Variants in MTHFD1L observed in about 807,000 individuals in gnomAD.
MTHFD1L encodes methylenetetrahydrofolate dehydrogenase (NADP+ dependent) 1 like, also known as monofunctional C1-tetrahydrofolate synthase, mitochondrial.
MTHFD1L carries 81 observed loss-of-function variants against 119.5 expected under a neutral mutation model. The ratio of observed to expected loss-of-function variants is 0.68; its 90% CI spans 0.57 to 0.82. The LOEUF is 0.82. Ranked by LOEUF, MTHFD1L falls within the 40% of genes least tolerant of loss-of-function variation. The probability of loss-of-function intolerance (pLI) is 0.00; values close to 1 mark genes in which losing one functional copy is unlikely to be tolerated. For synonymous variants in MTHFD1L, 430 were observed against 475.2 expected, an observed-to-expected ratio of 0.90 and a Z score of 1.24; for missense variants, 1,125 against 1,253.4, an observed-to-expected ratio of 0.90 and a Z score of 1.55.
intron 11 of MTHFD1L, among the ~76,000 whole-genome samples, chr6:150,931,544 A>C (rs1236646236): frequency 6.6e-6 from 1 of 152,138 alleles, no homozygotes; most frequent in African/African-American, 2.4e-5. Flanking sequence ...AACCAAATGC[A>C]CCATGGGGTT....
chr6:150,899,127 T>A, intron 7 of MTHFD1L: 1 of 338,394 alleles, frequency 3.0e-6, no homozygotes, highest in Non-Finnish European at 4.2e-6. Flanking sequence ...TTCTCATATG[T>A]TGAGCAGTAA....
Position 150,918,571 on chromosome 6 carries a change from T to G in MTHFD1L, c.893-6T>G. ...AAGTCTTTTTTTTCCCTCCAATTTT[T>G]TACAGGGAAGGTTGGGTGTGGCTCT... On this transcript the variant is annotated splice_polypyrimidine_tract_variant and splice_region_variant and intron_variant, in intron 8 of 27. Transcript: ENST00000367321. 6.2e-7 allele frequency: 1 copy of G among 1,610,878 alleles called. No homozygotes were observed. The highest frequency in any genetic ancestry group is 8.5e-7 in the Non-Finnish European group (1 of 1,177,052).
chr6:151,097,753 G>A (rs1046085386), intron 27 of MTHFD1L, among the ~76,000 whole-genome samples: 2 of 152,284 alleles, frequency 1.3e-5, no homozygotes, highest in Admixed American at 6.5e-5. Flanking sequence ...AGAGTGGGGT[G>A]TACTTGAAAT....
intron 8 of MTHFD1L, among the ~76,000 whole-genome samples, chr6:150,914,109 G>A (rs900726343): frequency 6.6e-6 from 1 of 151,700 alleles, no homozygotes; most frequent in Non-Finnish European, 1.5e-5. Context: ...CAGCCTGGGC[G>A]ACAGAGCAAC....
intron 9 of MTHFD1L, among the ~76,000 whole-genome samples, chr6:150,919,357 G>A (rs761707129): frequency 5.9e-5 from 9 of 151,822 alleles, no homozygotes; most frequent in African/African-American, 1.5e-4. Context: ...CTGAGTAGCC[G>A]GGACTGCAGG....
At chr6:150,893,432 A>G (rs764367956) in intron 7 of MTHFD1L, among the ~76,000 whole-genome samples, 4 of 152,132 alleles carry the variant, frequency 2.6e-5, no homozygotes, top group South Asian at 2.1e-4. Flanking sequence ...ATTATAATCT[A>G]TTTAACTTCT....
chr6:151,015,078 C>A, intron 23 of MTHFD1L, 98 bp downstream of exon 23: 1 of 949,482 alleles, frequency 1.1e-6, no homozygotes, highest in East Asian at 2.7e-5. Flanking sequence ...TGTGCTTCAT[C>A]TAAAAGTATA....
At chr6:151,088,623 ATTT>A (rs71014539) in intron 26 of MTHFD1L, among the ~76,000 whole-genome samples, 81 of 128,624 alleles carry the variant, frequency 6.3e-4, no homozygotes, top group African/African-American at 2.0e-3. Flanking sequence ...CACCCAGCTA[ATTT>A]TTTTTTTTTT....
At chr6:150,993,282 T>C (rs905741993) in intron 20 of MTHFD1L, among the ~76,000 whole-genome samples, 5 of 152,164 alleles carry the variant, frequency 3.3e-5, no homozygotes, top group African/African-American at 1.2e-4. Context: ...CACAAACAAA[T>C]GAGCAGAATT....
chr6:151,046,728 T>C (rs553340274), intron 26 of MTHFD1L, among the ~76,000 whole-genome samples: 83 of 152,100 alleles, frequency 5.5e-4, no homozygotes, highest in Admixed American at 1.2e-3. Flanking sequence ...ATCCCAGCCA[T>C]GGCTAAGAGG....
At chr6:151,057,425 G>A in intron 26 of MTHFD1L, 4 of 822,782 alleles carry the variant, frequency 4.9e-6, no homozygotes, top group Non-Finnish European at 5.9e-6. Context: ...TGGATTGCTT[G>A]AGCCCAGGAG....
Position 151,088,017 on chromosome 6 carries a change from G to A in MTHFD1L, c.2848-4450G>A, listed in dbSNP as rs181485776. The A allele has an allele frequency of 1.5e-3, 224 of 152,236 alleles. 1 individual carries two copies. Among genetic ancestry groups the A allele is most frequent in the African/African-American group, 4.7e-3 (195 of 41,528 alleles). 9.4% of individuals were successfully genotyped at this position (152,236 alleles called of 1,614,324 possible). A position where few individuals can be genotyped will look rare whatever the true frequency, so the allele number is the denominator to read the frequency against. Reference sequence around the variant, plus strand: ...AGATCTCCACTGACCCCAGGCGTGCGGCCAGAGGTCAACTCCCAACGGCTG... The same window carrying A: ...AGATCTCCACTGACCCCAGGCGTGCAGCCAGAGGTCAACTCCCAACGGCTG... On this transcript the variant is annotated intron_variant, in intron 26 of 27. Coordinates refer to ENST00000367321, the MANE Select transcript of MTHFD1L (RefSeq NM_015440.5).
At chr6:150,956,600 C>T (rs1190414637) in intron 17 of MTHFD1L, among the ~76,000 whole-genome samples, 1 of 151,988 alleles carries the variant, frequency 6.6e-6, no homozygotes, top group East Asian at 1.9e-4. Flanking sequence ...ATTGGATGTG[C>T]GTCAATGGCA....
chr6:150,991,554 T>G (rs34317680), intron 20 of MTHFD1L, among the ~76,000 whole-genome samples: 11,283 of 152,284 alleles, frequency 0.074, 1,204 homozygotes, highest in East Asian at 0.54. Context: ...GTATTACTTT[T>G]GTAGTAGTTT....
At chr6:150,906,860 T>A (rs140783751) in intron 8 of MTHFD1L, among the ~76,000 whole-genome samples, 1 of 152,144 alleles carries the variant, frequency 6.6e-6, no homozygotes, top group Non-Finnish European at 1.5e-5. Flanking sequence ...TAAAAACCCC[T>A]TGGGGGCTGG....
chr6:150,962,199 A>C (rs1337358403), intron 18 of MTHFD1L, among the ~76,000 whole-genome samples: 2 of 152,080 alleles, frequency 1.3e-5, no homozygotes, highest in Non-Finnish European at 2.9e-5. Flanking sequence ...CATTTTGGCC[A>C]GGCTGGTCTC....
intron 27 of MTHFD1L, among the ~76,000 whole-genome samples, chr6:151,097,740 AAG>A (rs1241837016): frequency 1.1e-4 from 17 of 152,202 alleles, no homozygotes; most frequent in African/African-American, 4.1e-4. Context: ...AAGTAACAGG[AAG>A]AGAGTGGGGT....
chr6:151,041,907 G>A (rs1787182208), intron 26 of MTHFD1L: 7 of 465,478 alleles, frequency 1.5e-5, no homozygotes, highest in South Asian at 8.3e-5. Flanking sequence ...GCTTTTTTCC[G>A]CTCCAGATTT....
intron 13 of MTHFD1L, among the ~76,000 whole-genome samples, chr6:150,942,177 C>G (rs950272548): frequency 5.9e-5 from 9 of 152,094 alleles, no homozygotes; most frequent in Admixed American, 2.6e-4. Context: ...GAGGATCACT[C>G]AAACCTGGGA....
Sources: gnomAD v4.1 joint callset for allele counts (sites outside exome capture counted in the v4.1 genomes callset) on GRCh38, gnomAD v4.1.1 for gene constraint, MANE v1.5 for transcripts, NCBI Gene and HGNC (gene_info 2026-07-23, HGNC 2026-07-21) for gene names.